The following TBC1D4 variants were observed in gnomAD, a reference collection of about 807,000 sequenced individuals.
TBC1D4 encodes the protein TBC1 domain family member 4, also known as TBC (Tre-2, BUB2, CDC16) domain-containing protein.
Under a neutral mutation model 142.5 loss-of-function variants are expected in TBC1D4, and 121 were observed. The ratio of observed to expected loss-of-function variants is 0.85; its 90% CI spans 0.73 to 0.99. TBC1D4 has a LOEUF of 0.99. Ranked by LOEUF, TBC1D4 falls within the 50% of genes least tolerant of loss-of-function variation. The probability of loss-of-function intolerance (pLI) is 0.00; values close to 1 mark genes in which losing one functional copy is unlikely to be tolerated. For missense variants in TBC1D4, 1,475 were observed against 1,606.6 expected (o/e 0.92, Z 1.40); for synonymous variants, 630 against 628.2 (o/e 1.00, Z -0.04).
At chr13:75,465,664 C>T (rs1888135921) in intron 1 of TBC1D4, among the ~76,000 whole-genome samples, 1 of 152,156 alleles carries the variant, frequency 6.6e-6, no homozygotes, top group Non-Finnish European at 1.5e-5. Flanking sequence ...AAAACCAATT[C>T]ATGCCATGAT....
At position 75,306,354 on chromosome 13, in the gene TBC1D4, A is replaced by AT. The variant is rs1877185266; in HGVS notation, c.2710dup (p.Ile904AsnfsTer4). The AT allele has an allele frequency of 6.2e-7, 1 of 1,612,796 alleles. No individual in the cohort carries two copies. Among genetic ancestry groups the AT allele is most frequent in the African/African-American group, 1.3e-5 (1 of 74,874 alleles). ...ATGAATATCTTCCATATCACATCTG[A>AT]TTTTAGCTCTGCAGTTTAACAACTT... On this transcript the variant is annotated frameshift_variant, in exon 15 of 21. Coordinates refer to ENST00000377636, the MANE Select transcript of TBC1D4 (RefSeq NM_014832.5). LOFTEE classifies it high-confidence loss of function.
intron 1 of TBC1D4, among the ~76,000 whole-genome samples, chr13:75,424,176 G>C (rs1436296538): frequency 6.6e-6 from 1 of 151,588 alleles, no homozygotes; most frequent in East Asian, 1.9e-4. Context: ...AGGAGGCTGA[G>C]GCAGGAAGAT....
chr13:75,347,539 G>A (rs1356136123), intron 5 of TBC1D4, among the ~76,000 whole-genome samples: 2 of 152,092 alleles, frequency 1.3e-5, no homozygotes, highest in Non-Finnish European at 2.9e-5. Flanking sequence ...CTCTCTTCAA[G>A]AAATAAGAAT....
chr13:75,425,044 C>G (rs553707181), intron 1 of TBC1D4, among the ~76,000 whole-genome samples: 1 of 151,658 alleles, frequency 6.6e-6, no homozygotes, highest in Non-Finnish European at 1.5e-5. Context: ...CAAAATTACC[C>G]GAGTGAAGAG....
Position 75,302,246 on chromosome 13 carries a change from A to T in TBC1D4, c.2908T>A (p.Leu970Ile). The T allele has an allele frequency of 6.2e-7, 1 of 1,614,182 alleles. No individual in the cohort carries two copies. ...TAQQHAILVDLGRTFPTHPYF... is the reference protein window; with the variant it reads ...TAQQHAILVDIGRTFPTHPYF... The stretch of plus-strand genomic sequence containing the variant: ...ATAATCCACATGACAAACATACCTA[A>T]ATCCACGAGAATCGCATGCTGCTGA... Residue 970 changes from leucine to isoleucine, a missense_variant, in exon 16 of 21, where the codon TTA becomes ATA. Transcript: ENST00000377636.
intron 1 of TBC1D4, among the ~76,000 whole-genome samples, chr13:75,404,151 A>G (rs1040904785): frequency 1.3e-5 from 2 of 152,188 alleles, no homozygotes; most frequent in Non-Finnish European, 2.9e-5. Flanking sequence ...AATAGTGAAC[A>G]ATCACTAGAT....
chr13:75,374,899 G>C (rs1883417774), intron 1 of TBC1D4, among the ~76,000 whole-genome samples: 1 of 152,110 alleles, frequency 6.6e-6, no homozygotes, highest in Non-Finnish European at 1.5e-5. Flanking sequence ...TAGAACAAAT[G>C]GTTTCAGTGG....
At position 75,333,876 on chromosome 13, in the gene TBC1D4, T is replaced by G. The variant is rs1879970902; in HGVS notation, c.1731+3045A>C. ...ATAACAGGCTTGTTATTTTGTAGAC[T>G]CCACCTCAATTTGGGTTTGTTGACA... is the stretch of plus-strand genomic sequence containing the variant. On this transcript the variant is annotated intron_variant, in intron 8 of 20. Transcript: ENST00000377636. Among the ~76,000 whole-genome samples the G allele has an allele frequency of 2.6e-5, 4 of 152,178 alleles. No individual in the cohort carries two copies. The South Asian group carries it at 8.3e-4, about 32-fold the overall frequency.
chr13:75,351,409 C>G (rs985279986), intron 4 of TBC1D4, among the ~76,000 whole-genome samples: 1 of 150,650 alleles, frequency 6.6e-6, no homozygotes, highest in Non-Finnish European at 1.5e-5. Flanking sequence ...TTGTAAAAAT[C>G]TTTTTTTTTA....
chr13:75,410,607 G>C (rs1394865925), intron 1 of TBC1D4, among the ~76,000 whole-genome samples: 16 of 152,134 alleles, frequency 1.1e-4, no homozygotes, highest in Admixed American at 1.0e-3. Flanking sequence ...GAAATACCAC[G>C]TGGACATTAA....
rs1374246302 is a variant in TBC1D4, at chr13:75,336,906, T to C, written c.1731+15A>G. On this transcript the variant is annotated intron_variant, in intron 8 of 20. Transcript: ENST00000377636. The stretch of plus-strand genomic sequence containing the variant: ...ACAGATATGCATACTTGAAAGACCA[T>C]TGGTGCAATCTTACCCTTGAGAAGA... 5.6e-6 allele frequency: 9 copies of C among 1,613,552 alleles called. No homozygotes were observed. Among genetic ancestry groups the C allele is most frequent in the South Asian group, 2.2e-5 (2 of 91,060 alleles).
At chr13:75,427,609 C>G (rs1346903271) in intron 1 of TBC1D4, among the ~76,000 whole-genome samples, 3 of 152,238 alleles carry the variant, frequency 2.0e-5, no homozygotes, top group Non-Finnish European at 4.4e-5. Flanking sequence ...GCTGCTCCAG[C>G]TTGAAGCTTG....
intron 1 of TBC1D4, among the ~76,000 whole-genome samples, chr13:75,384,557 A>G (rs1000660228): frequency 7.2e-6 from 1 of 139,670 alleles, no homozygotes; most frequent in African/African-American, 2.7e-5. Flanking sequence ...CAGAAAAGAT[A>G]AAGGAAAAAA....
intron 1 of TBC1D4, among the ~76,000 whole-genome samples, chr13:75,455,730 G>A (rs1887705858): frequency 6.6e-6 from 1 of 151,982 alleles, no homozygotes; most frequent in South Asian, 2.1e-4. Flanking sequence ...TAACACTAAA[G>A]GTACTTTTAA....
At position 75,440,278 on chromosome 13, in the gene TBC1D4, G is replaced by A. The variant is rs758758237; in HGVS notation, c.498+40992C>T. 3.9e-4 allele frequency among the ~76,000 whole-genome samples: 59 copies of A among 152,178 alleles called. 1 individual carries two copies. The highest frequency in any genetic ancestry group is 8.8e-5 in the Non-Finnish European group (6 of 68,030). ...TGGCTAACTCTTCAAAGGGGGAGCAGAACCCTGGAGAAGTCTGAGGTTAAG... is the reference window on the plus strand; with the variant it reads ...TGGCTAACTCTTCAAAGGGGGAGCAAAACCCTGGAGAAGTCTGAGGTTAAG... On this transcript the variant is annotated intron_variant, in intron 1 of 20. Transcript: ENST00000377636.
chr13:75,331,499 C>CA (rs1879741874), intron 8 of TBC1D4, among the ~76,000 whole-genome samples: 1 of 151,350 alleles, frequency 6.6e-6, no homozygotes, highest in South Asian at 2.1e-4. Context: ...GACCCTATCT[C>CA]AAAAAAATAA....
intron 7 of TBC1D4, 120 bp downstream of exon 7, chr13:75,341,005 G>GGGT: frequency 1.2e-6 from 1 of 829,210 alleles, no homozygotes; most frequent in Non-Finnish European, 2.1e-6. Context: ...GGGAGTGAGG[G>GGGT]GGTAGTTCAG....
At chr13:75,297,223 A>T (rs990983480) in intron 17 of TBC1D4, among the ~76,000 whole-genome samples, 5 of 152,274 alleles carry the variant, frequency 3.3e-5, no homozygotes, top group African/African-American at 1.2e-4. Context: ...AAATGAATGT[A>T]TAAATCCGAT....
rs753584728 is a variant in TBC1D4, at chr13:75,337,060, T to A, written c.1612-20A>T. ...AATAGTCTAAAAAAAGAAAAACAGA[T>A]ACATTTTAGTTTGGAAATACTCAAG... is the stretch of plus-strand genomic sequence containing the variant. On this transcript the variant is annotated intron_variant, in intron 7 of 20. Coordinates refer to ENST00000377636, the MANE Select transcript of TBC1D4 (RefSeq NM_014832.5). The A allele has an allele frequency of 1.9e-6, 3 of 1,607,278 alleles. No individual in the cohort carries two copies. The African/African-American group carries it at 4.0e-5, about 21-fold the overall frequency.
Sources: allele counts gnomAD v4.1 joint callset (sites outside exome capture counted in the v4.1 genomes callset), GRCh38; gene constraint gnomAD v4.1.1; transcripts MANE v1.5; gene names NCBI Gene and HGNC (gene_info 2026-07-23, HGNC 2026-07-21).